Variants in ASTN2 observed in about 807,000 individuals in gnomAD.
The protein encoded by ASTN2 is astrotactin 2, also known as astrotactin-2.
A neutral mutation model predicts 139.8 loss-of-function variants in ASTN2; 54 were observed. That is an observed-to-expected ratio of 0.39 (90% CI 0.31 to 0.48). The LOEUF (loss-of-function observed/expected upper bound fraction) is 0.48. Among genes scored for constraint, ASTN2 ranks in the 20% least tolerant of loss-of-function variants. The pLI, the probability that ASTN2 is intolerant of heterozygous loss-of-function variation, is 0.95. For missense variants in ASTN2, 1,565 were observed against 1,725.1 expected (o/e 0.91, Z 1.64); for synonymous variants, 756 against 719.5 (o/e 1.05, Z -0.81).
At chr9:116,476,873 C>T (rs928610561) in intron 20 of ASTN2, among the ~76,000 whole-genome samples, 3 of 152,188 alleles carry the variant, frequency 2.0e-5, no homozygotes, top group Non-Finnish European at 2.9e-5. Context: ...AGGGTTGTCA[C>T]CACAAAACAC....
intron 2 of ASTN2, among the ~76,000 whole-genome samples, chr9:117,248,968 T>C (rs546506314): frequency 2.6e-5 from 4 of 152,200 alleles, no homozygotes; most frequent in African/African-American, 9.6e-5. Context: ...TTTCCACATA[T>C]GTACAATGGG....
chr9:116,762,551 T>C (rs1030912779), intron 13 of ASTN2, among the ~76,000 whole-genome samples: 1 of 152,260 alleles, frequency 6.6e-6, no homozygotes, highest in African/African-American at 2.4e-5. Context: ...GACTTCTGCC[T>C]GTTTTGTATA....
intron 16 of ASTN2, among the ~76,000 whole-genome samples, chr9:116,656,419 T>A (rs1487348502): frequency 2.0e-5 from 3 of 152,202 alleles, no homozygotes; most frequent in Non-Finnish European, 4.4e-5. Flanking sequence ...GGTTTTCATG[T>A]AGGCCCTTGC....
chr9:116,938,595 T>C (rs563382821), intron 10 of ASTN2, among the ~76,000 whole-genome samples: 3 of 152,268 alleles, frequency 2.0e-5, no homozygotes, highest in South Asian at 4.2e-4. Flanking sequence ...ATTTCAGGCC[T>C]TTATCCAATT....
intron 17 of ASTN2, among the ~76,000 whole-genome samples, chr9:116,623,226 A>G (rs1458834643): frequency 2.0e-5 from 3 of 148,914 alleles, no homozygotes; most frequent in Non-Finnish European, 4.4e-5. Flanking sequence ...AATAAATAGG[A>G]ACTTGAGCTT....
chr9:116,485,234 C>T (rs946759513), intron 20 of ASTN2, among the ~76,000 whole-genome samples: 1 of 152,064 alleles, frequency 6.6e-6, no homozygotes, highest in Non-Finnish European at 1.5e-5. Context: ...CCAAACACCA[C>T]ATTATCCACA....
At chr9:117,174,482 T>C (rs1830870976) in intron 3 of ASTN2, among the ~76,000 whole-genome samples, 1 of 151,984 alleles carries the variant, frequency 6.6e-6, no homozygotes, top group South Asian at 2.1e-4. Context: ...TAGCAAACTT[T>C]ATGAGATATA....
chr9:117,376,370 T>C (rs552249296), intron 1 of ASTN2, among the ~76,000 whole-genome samples: 3 of 152,100 alleles, frequency 2.0e-5, no homozygotes, highest in Non-Finnish European at 4.4e-5. Context: ...TCCAGGAAAA[T>C]GTCAGACAGA....
chr9:116,756,269 G>T (rs894788367), intron 13 of ASTN2, among the ~76,000 whole-genome samples: 1 of 152,126 alleles, frequency 6.6e-6, no homozygotes, highest in Non-Finnish European at 1.5e-5. Flanking sequence ...ACAAGCTCTA[G>T]GGGCTCAAAC....
Position 116,423,237 on chromosome 9 carries a change from A to G in ASTN2, c.*2614T>C, listed in dbSNP as rs531312796. ...TCTCCATCAGGAGAAAAAATAAAAA[A>G]TAAAATAAAAACACTATACATTGCA... is the stretch of plus-strand genomic sequence containing the variant. On this transcript the variant is annotated 3_prime_UTR_variant, in exon 23 of 23. Coordinates refer to ENST00000313400, the MANE Select transcript of ASTN2 (RefSeq NM_001365068.1). Among the ~76,000 whole-genome samples the G allele has an allele frequency of 5.3e-5, 8 of 152,344 alleles. No homozygotes were observed. In the East Asian group the frequency reaches 1.3e-3, roughly 26 times the overall value.
At chr9:116,648,759 C>T (rs1013677405) in intron 17 of ASTN2, among the ~76,000 whole-genome samples, 30 of 151,980 alleles carry the variant, frequency 2.0e-4, no homozygotes, top group African/African-American at 7.2e-4. Flanking sequence ...AGGAGCTGGG[C>T]GCAGTGGCTT....
chr9:116,812,196 AGAAT>A (rs1831184247), intron 12 of ASTN2, among the ~76,000 whole-genome samples: 1 of 152,180 alleles, frequency 6.6e-6, no homozygotes, highest in African/African-American at 2.4e-5. Flanking sequence ...TGTAATAGGT[AGAAT>A]AATGGCCTCC....
chr9:116,908,765 G>GT (rs1834234753), intron 10 of ASTN2, among the ~76,000 whole-genome samples: 1 of 152,210 alleles, frequency 6.6e-6, no homozygotes, highest in Non-Finnish European at 1.5e-5. Context: ...TGCATATCAT[G>GT]TGCCTATACC....
At chr9:117,320,673 C>G (rs749186504) in intron 1 of ASTN2, among the ~76,000 whole-genome samples, 24 of 152,272 alleles carry the variant, frequency 1.6e-4, no homozygotes, top group African/African-American at 4.6e-4. Context: ...TTTCAAGGCA[C>G]TCTGGGGAGC....
chr9:116,810,177 G>T (rs922166369), intron 12 of ASTN2, among the ~76,000 whole-genome samples: 1 of 152,152 alleles, frequency 6.6e-6, no homozygotes, highest in Admixed American at 6.5e-5. Flanking sequence ...TTATAATTTG[G>T]AGTTCTCTAA....
At chr9:116,939,693 T>G (rs1247758453) in intron 10 of ASTN2, among the ~76,000 whole-genome samples, 2 of 152,208 alleles carry the variant, frequency 1.3e-5, no homozygotes, top group African/African-American at 2.4e-5. Flanking sequence ...AGGCCTGTTC[T>G]GAGTGCTAGA....
intron 3 of ASTN2, among the ~76,000 whole-genome samples, chr9:117,175,121 A>G (rs1244673882): frequency 6.6e-6 from 1 of 152,122 alleles, no homozygotes; most frequent in African/African-American, 2.4e-5. Context: ...TCTGGCTTCA[A>G]TCAAAGAAAA....
At chr9:117,149,253 C>G (rs964586788) in intron 3 of ASTN2, among the ~76,000 whole-genome samples, 2 of 151,970 alleles carry the variant, frequency 1.3e-5, no homozygotes, top group Admixed American at 1.3e-4. Context: ...CTCTTGACCT[C>G]GTGATCCACC....
At chr9:116,799,550 T>A (rs533894688) in intron 13 of ASTN2, among the ~76,000 whole-genome samples, 116 of 152,178 alleles carry the variant, frequency 7.6e-4, no homozygotes, top group Non-Finnish European at 9.9e-4. Context: ...ATTTGCTCAG[T>A]CCCCATTCCC....
Sources: allele counts gnomAD v4.1 joint callset (sites outside exome capture counted in the v4.1 genomes callset), GRCh38; gene constraint gnomAD v4.1.1; transcripts MANE v1.5; gene names NCBI Gene and HGNC (gene_info 2026-07-23, HGNC 2026-07-21).